NRG1: variants seen among roughly 807,000 people sequenced by gnomAD.
The protein encoded by NRG1 is neuregulin 1, also known as pro-neuregulin-1, membrane-bound isoform.
A neutral mutation model predicts 63.8 loss-of-function variants in NRG1; 18 were observed. The observed-to-expected ratio is 0.28, with a 90% CI of 0.19 to 0.42. The LOEUF (loss-of-function observed/expected upper bound fraction) is 0.42. NRG1 is among the 10% of genes least tolerant of loss of function. NRG1 has a pLI of 1.00. For synonymous variants in NRG1, 302 were observed against 301.3 expected (o/e 1.00, Z -0.02); for missense variants, 762 against 814.7 (o/e 0.94, Z 0.79).
chr8:32,763,880 G>A (rs759185720), exon 12 of NRG1: 37 of 1,613,910 alleles, frequency 2.3e-5, no homozygotes, highest in South Asian at 3.3e-5. Context: ...CTTCCATGGC[G>A]GTCAGCCCCT....
chr8:31,991,097 A>T (rs910204474), intron 1 of NRG1, among the ~76,000 whole-genome samples: 3 of 152,084 alleles, frequency 2.0e-5, no homozygotes, highest in Non-Finnish European at 4.4e-5. Flanking sequence ...GTTTCAGAAA[A>T]GAAATACATA....
intron 1 of NRG1, among the ~76,000 whole-genome samples, chr8:32,024,543 C>T (rs1300212759): frequency 6.6e-6 from 1 of 152,156 alleles, no homozygotes; most frequent in East Asian, 1.9e-4. Flanking sequence ...GGGAAATAGC[C>T]TTTGGAGCCA....
chr8:32,495,211 G>A (rs186568076), intron 1 of NRG1, among the ~76,000 whole-genome samples: 13 of 152,170 alleles, frequency 8.5e-5, no homozygotes, highest in East Asian at 5.8e-4. Context: ...GAGGGATCCC[G>A]TCGGAGGTAA....
intron 1 of NRG1, among the ~76,000 whole-genome samples, chr8:31,808,845 C>A (rs1295424388): frequency 5.3e-5 from 8 of 151,984 alleles, no homozygotes; most frequent in Non-Finnish European, 1.0e-4. Flanking sequence ...TAGATGTGAA[C>A]ATAAGGTGTC....
At chr8:32,504,229 G>A (rs1430389941) in intron 1 of NRG1, among the ~76,000 whole-genome samples, 1 of 152,118 alleles carries the variant, frequency 6.6e-6, no homozygotes, top group African/African-American at 2.4e-5. Flanking sequence ...TTATTTTAGA[G>A]AGACAGTTAA....
intron 1 of NRG1, among the ~76,000 whole-genome samples, chr8:31,713,306 C>T (rs1174423927): frequency 1.3e-5 from 2 of 151,350 alleles, no homozygotes; most frequent in East Asian, 2.0e-4. Flanking sequence ...TTAGTGTAGA[C>T]GGGGTTTCAC....
intron 1 of NRG1, among the ~76,000 whole-genome samples, chr8:32,471,427 C>T (rs1286195805): frequency 2.0e-5 from 3 of 152,070 alleles, no homozygotes; most frequent in Non-Finnish European, 2.9e-5. Context: ...TTGTTCTAAT[C>T]GACTTTTCTT....
chr8:32,475,398 G>A (rs984247134), intron 1 of NRG1, among the ~76,000 whole-genome samples: 2 of 142,712 alleles, frequency 1.4e-5, no homozygotes, highest in African/African-American at 5.2e-5. Flanking sequence ...CCGGGAGGTG[G>A]AGGTTGCAGT....
intron 1 of NRG1, among the ~76,000 whole-genome samples, chr8:32,532,712 G>T (rs1476097034): frequency 1.3e-5 from 2 of 151,922 alleles, no homozygotes; most frequent in African/African-American, 4.8e-5. Context: ...TGTATTAATA[G>T]AGATTTCATG....
At chr8:31,970,221 A>G (rs1237973989) in intron 1 of NRG1, among the ~76,000 whole-genome samples, 1 of 152,172 alleles carries the variant, frequency 6.6e-6, no homozygotes, top group Non-Finnish European at 1.5e-5. Flanking sequence ...ACTTCTCAGT[A>G]AATTCAGATA....
chr8:31,658,688 C>T (rs565627049), intron 1 of NRG1, among the ~76,000 whole-genome samples: 1 of 152,118 alleles, frequency 6.6e-6, no homozygotes. Flanking sequence ...GTCTCGAATT[C>T]CTAACCTCAA....
chr8:31,887,325 T>C (rs141126570), intron 1 of NRG1, among the ~76,000 whole-genome samples: 1 of 152,228 alleles, frequency 6.6e-6, no homozygotes, highest in Admixed American at 6.6e-5. Flanking sequence ...CAATAAATGC[T>C]CACTATTGTT....
At position 32,173,436 on chromosome 8, in the gene NRG1, C is replaced by T. The variant is rs369640901; in HGVS notation, c.38-422392C>T. Among the ~76,000 whole-genome samples, 34 of 152,258 alleles carry T rather than the reference C, an allele frequency of 2.2e-4. 1 individual carries two copies. In the East Asian group the frequency reaches 4.6e-3, roughly 21 times the overall value. ...GCTAGGAAGAAACTGCATCCACTAA[C>T]GAGCAAAATAACCAGCTAACATCAT... On this transcript the variant is annotated intron_variant, in intron 1 of 10. Transcript: ENST00000519301.
intron 1 of NRG1, among the ~76,000 whole-genome samples, chr8:32,482,529 C>A (rs1825430752): frequency 6.6e-6 from 1 of 152,056 alleles, no homozygotes; most frequent in Non-Finnish European, 1.5e-5. Context: ...CCGGGCAGAT[C>A]CAGGCTGGGA....
At chr8:32,055,425 T>C (rs1822754475) in intron 1 of NRG1, among the ~76,000 whole-genome samples, 1 of 152,154 alleles carries the variant, frequency 6.6e-6, no homozygotes, top group African/African-American at 2.4e-5. Context: ...ATAGATTTAT[T>C]ATATGCTTAT....
chr8:32,612,925 A>ATGTGT (rs1218006125), intron 3 of NRG1, among the ~76,000 whole-genome samples: 1 of 152,046 alleles, frequency 6.6e-6, no homozygotes. Flanking sequence ...AGAGAAGGAC[A>ATGTGT]CACACTTTGT....
chr8:31,653,147 T>C lies in NRG1; in HGVS notation c.37+13716T>C, dbSNP rs538294424. ...TGTTTATCTCTGGGTATTGGGATTA[T>C]TGATCTTTAGAATGATCTTCATTTT... On this transcript the variant is annotated intron_variant, in intron 1 of 10. Coordinates refer to the NRG1 transcript ENST00000519301. Among the ~76,000 whole-genome samples the C allele has an allele frequency of 1.1e-4, 17 of 151,988 alleles. 1 individual carries two copies. The East Asian group carries it at 2.5e-3, about 23-fold the overall frequency.
chr8:32,045,507 A>G (rs952780586), intron 1 of NRG1, among the ~76,000 whole-genome samples: 82 of 151,968 alleles, frequency 5.4e-4, no homozygotes, highest in Non-Finnish European at 1.3e-4. Flanking sequence ...AAGGCAAAGG[A>G]ACTAGAACAG....
At chr8:32,689,563 G>T (rs535753192) in intron 5 of NRG1, among the ~76,000 whole-genome samples, 6 of 152,132 alleles carry the variant, frequency 3.9e-5, no homozygotes, top group African/African-American at 1.4e-4. Context: ...CTGTCTTCTT[G>T]CAGTGAGGTC....
Sources: allele counts gnomAD v4.1 joint callset (sites outside exome capture counted in the v4.1 genomes callset), GRCh38; gene constraint gnomAD v4.1.1; transcripts MANE v1.5; gene names NCBI Gene and HGNC (gene_info 2026-07-23, HGNC 2026-07-21).